Variants in DSCAML1 observed in about 807,000 individuals in gnomAD.
DSCAML1 encodes the protein cell adhesion molecule DSCAML1.
Under a neutral mutation model 200.5 loss-of-function variants are expected in DSCAML1, and 38 were observed. The observed-to-expected ratio is 0.19, with a 90% CI of 0.15 to 0.25. DSCAML1 has a LOEUF of 0.25. DSCAML1 is among the 10% of genes least tolerant of loss of function. The pLI is 1.00. For missense variants in DSCAML1, 2,223 were observed against 2,858.8 expected (o/e 0.78, Z 5.07); for synonymous variants, 1,215 against 1,165.0 (o/e 1.04, Z -0.87).
intron 16 of DSCAML1, among the ~76,000 whole-genome samples, chr11:117,467,242 G>A (rs1279048242): frequency 8.1e-6 from 1 of 123,660 alleles, no homozygotes; most frequent in African/African-American, 3.2e-5. Context: ...CCCAGAACCA[G>A]GAACACGTAT....
At chr11:117,513,892 G>A (rs113281702) in intron 8 of DSCAML1, among the ~76,000 whole-genome samples, 4 of 152,212 alleles carry the variant, frequency 2.6e-5, no homozygotes, top group Non-Finnish European at 4.4e-5. Context: ...CTTGTGACTC[G>A]GCTCCTGTGC....
At chr11:117,683,427 G>A (rs1471698121) in intron 3 of DSCAML1, among the ~76,000 whole-genome samples, 1 of 152,244 alleles carries the variant, frequency 6.6e-6, no homozygotes, top group African/African-American at 2.4e-5. Flanking sequence ...GGAACATGCA[G>A]AGGAGAGCCG....
intron 3 of DSCAML1, among the ~76,000 whole-genome samples, chr11:117,598,769 G>A (rs1370274640): frequency 1.3e-5 from 2 of 152,118 alleles, no homozygotes; most frequent in African/African-American, 4.8e-5. Context: ...AACTTTCCTG[G>A]GCACAAAGCG....
intron 3 of DSCAML1, among the ~76,000 whole-genome samples, chr11:117,703,210 G>A (rs1413074649): frequency 2.0e-5 from 3 of 152,148 alleles, no homozygotes; most frequent in Non-Finnish European, 2.9e-5. Context: ...AATATTGCTC[G>A]GAGCTCCAGT....
At chr11:117,515,067 G>A (rs1332546969) in intron 8 of DSCAML1, among the ~76,000 whole-genome samples, 1 of 152,250 alleles carries the variant, frequency 6.6e-6, no homozygotes, top group Non-Finnish European at 1.5e-5. Flanking sequence ...ATCGCAGCCT[G>A]CTGCGATAGC....
chr11:117,450,730 G>A (rs1464227570), intron 19 of DSCAML1, 42 bp from the exon 20 acceptor site: 1 of 1,597,422 alleles, frequency 6.3e-7, no homozygotes, highest in Non-Finnish European at 8.5e-7. Context: ...GAAAGCAGGA[G>A]CACAGCCTTT....
chr11:117,567,100 G>A (rs1283380627), intron 3 of DSCAML1, among the ~76,000 whole-genome samples: 2 of 152,190 alleles, frequency 1.3e-5, no homozygotes, highest in Non-Finnish European at 2.9e-5. Context: ...ACCCAGTAAT[G>A]GGATGGCTGG....
chr11:117,781,183 C>T (rs113289893), intron 1 of DSCAML1, among the ~76,000 whole-genome samples: 1 of 151,090 alleles, frequency 6.6e-6, no homozygotes, highest in African/African-American at 2.4e-5. Context: ...TTCAGCTGCT[C>T]GAGAGGATGA....
intron 11 of DSCAML1, among the ~76,000 whole-genome samples, chr11:117,486,137 C>T (rs559669763): frequency 4.6e-5 from 7 of 152,344 alleles, no homozygotes; most frequent in South Asian, 4.1e-4. Flanking sequence ...GGTCAGAAGT[C>T]ATTTTCTTTT....
chr11:117,521,234 G>A lies in DSCAML1; in HGVS notation c.1109C>T (p.Thr370Met), dbSNP rs1212445579. 14 of 1,614,206 alleles carry A rather than the reference G, an allele frequency of 8.7e-6. No homozygotes were observed. Among genetic ancestry groups the A allele is most frequent in the Non-Finnish European group, 1.2e-5 (14 of 1,180,040 alleles). ...AISIRGLSNETLLITSAQKSH... is the reference protein window; with the variant it reads ...AISIRGLSNEMLLITSAQKSH... ...CTTCTGGGCCGAGGTGATGAGCAGCGTCTCGTTGCTGAGCCCGCGGATGGA... is the reference window on the plus strand; with the variant it reads ...CTTCTGGGCCGAGGTGATGAGCAGCATCTCGTTGCTGAGCCCGCGGATGGA... Residue 370 changes from threonine (T) to methionine (M), a missense_variant, in exon 6 of 33, where the codon ACG becomes ATG. Coordinates refer to ENST00000651296, the MANE Select transcript of DSCAML1 (RefSeq NM_020693.4).
At position 117,428,219 on chromosome 11, in the gene DSCAML1, G is replaced by A. The variant is rs979718140; in HGVS notation, c.*109C>T. 1 of 695,978 alleles carries A rather than the reference G, an allele frequency of 1.4e-6. No individual in the cohort carries two copies. Among genetic ancestry groups the A allele is most frequent in the Admixed American group, 2.7e-5 (1 of 36,626 alleles). 43.1% of individuals were successfully genotyped at this position (695,978 alleles called of 1,614,324 possible). On this transcript the variant is annotated 3_prime_UTR_variant, in exon 33 of 33. Coordinates refer to ENST00000651296, the MANE Select transcript of DSCAML1 (RefSeq NM_020693.4). ...ATTGGGGGTTTTTGTTTTGTCGTTG[G>A]TTGGTTTTTGTCTGTCAGTTGAATA... is the stretch of plus-strand genomic sequence containing the variant.
chr11:117,560,775 T>A (rs1033440326), intron 3 of DSCAML1, among the ~76,000 whole-genome samples: 7 of 152,226 alleles, frequency 4.6e-5, no homozygotes, highest in Non-Finnish European at 8.8e-5. Context: ...GCAATGGTTT[T>A]CATCCTGTGC....
At chr11:117,526,676 C>T (rs1046567358) in intron 4 of DSCAML1, among the ~76,000 whole-genome samples, 34 of 152,152 alleles carry the variant, frequency 2.2e-4, no homozygotes, top group African/African-American at 7.9e-4. Context: ...CGCCACCATG[C>T]CCAGCTAATT....
chr11:117,803,780 C>A (rs1343303941), intron 1 of DSCAML1, among the ~76,000 whole-genome samples: 2 of 152,186 alleles, frequency 1.3e-5, no homozygotes, highest in Admixed American at 1.3e-4. Flanking sequence ...ACAGAAGCCC[C>A]CTTGGAGAGA....
chr11:117,471,439 T>C (rs1020001633), intron 15 of DSCAML1, among the ~76,000 whole-genome samples: 2 of 152,256 alleles, frequency 1.3e-5, no homozygotes, highest in African/African-American at 4.8e-5. Context: ...CCCAAAGTGC[T>C]GTGATTACAG....
chr11:117,763,853 A>C (rs139776684), intron 3 of DSCAML1, among the ~76,000 whole-genome samples: 1 of 151,442 alleles, frequency 6.6e-6, no homozygotes, highest in African/African-American at 2.4e-5. Flanking sequence ...GATCTAGAAC[A>C]CTCTCCCCTG....
intron 3 of DSCAML1, among the ~76,000 whole-genome samples, chr11:117,715,108 G>A (rs1429907302): frequency 3.5e-5 from 1 of 28,200 alleles, no homozygotes; most frequent in Non-Finnish European, 9.3e-5. Context: ...TTAAAAATAA[G>A]TCATTAAAAA....
chr11:117,787,559 T>C (rs184115976), intron 1 of DSCAML1, among the ~76,000 whole-genome samples: 2 of 152,352 alleles, frequency 1.3e-5, no homozygotes, highest in Admixed American at 6.5e-5. Context: ...TTTCTGAGAC[T>C]GGTGTCCTCT....
intron 3 of DSCAML1, among the ~76,000 whole-genome samples, chr11:117,613,991 G>T (rs530141957): frequency 6.6e-6 from 1 of 152,206 alleles, no homozygotes; most frequent in Non-Finnish European, 1.5e-5. Flanking sequence ...AAATTTGGGG[G>T]CTCTCTGGGT....
Sources: allele counts gnomAD v4.1 joint callset (sites outside exome capture counted in the v4.1 genomes callset), GRCh38; gene constraint gnomAD v4.1.1; transcripts MANE v1.5; gene names NCBI Gene and HGNC (gene_info 2026-07-23, HGNC 2026-07-21).